COL5A1: variants seen among roughly 807,000 people sequenced by gnomAD.
The protein encoded by COL5A1 is collagen alpha-1(V) chain.
In COL5A1, 16 loss-of-function variants were observed where a neutral mutation model predicts 263.7. That is an observed-to-expected ratio of 0.06 (90% CI 0.04 to 0.09). COL5A1 has a LOEUF of 0.09. Ranked by LOEUF, COL5A1 falls within the 10% of genes least tolerant of loss-of-function variation. The pLI is 1.00. For synonymous variants in COL5A1, 1,012 were observed against 1,004.5 expected, an observed-to-expected ratio of 1.01 and a Z score of -0.14; for missense variants, 2,036 against 2,540.5, an observed-to-expected ratio of 0.80 and a Z score of 4.27.
intron 44 of COL5A1, 74 bp from the exon 45 acceptor site, chr9:134,811,265 G>A (rs1838511112): frequency 1.4e-6 from 2 of 1,395,380 alleles, no homozygotes; most frequent in Admixed American, 3.3e-5. Flanking sequence ...CCGGGCTCAG[G>A]ATGCGGTCCA....
chr9:134,643,585 C>T (rs1359677461), intron 1 of COL5A1, among the ~76,000 whole-genome samples: 4 of 152,116 alleles, frequency 2.6e-5, no homozygotes, highest in African/African-American at 9.7e-5. Context: ...GGGGGAGGAG[C>T]CAGGAGCCTG....
rs1457383650 is a variant in COL5A1, at chr9:134,757,554, A to C, written c.1882-689A>C. Among the ~76,000 whole-genome samples the C allele has an allele frequency of 6.6e-6, 1 of 152,174 alleles. No homozygotes were observed. Among genetic ancestry groups the C allele is most frequent in the Non-Finnish European group, 1.5e-5 (1 of 68,040 alleles). On this transcript the variant is annotated intron_variant, in intron 17 of 65. Coordinates refer to ENST00000371817, the MANE Select transcript of COL5A1 (RefSeq NM_000093.5). The surrounding 1 kb of genome is among the most constrained non-coding windows in gnomAD (Gnocchi z 6.2). ...CGGGCGTGGATGAGCTCTGAAGTGC[A>C]TCCCGTCAGTCCCAAGCTAGTGAGG...
chr9:134,669,932 G>T (rs1832490072), intron 1 of COL5A1, among the ~76,000 whole-genome samples: 1 of 152,220 alleles, frequency 6.6e-6, no homozygotes, highest in South Asian at 2.1e-4. Flanking sequence ...AAATAACTTT[G>T]TTAACTTTTC....
In COL5A1 at chr9:134,795,300, G is replaced by A. The variant is rs774491536; in HGVS notation, c.2784G>A (p.Gly928=). The change falls in exon 34 of 66, where the codon GGG becomes GGA. Residue 928 remains glycine, a synonymous_variant. Coordinates refer to ENST00000371817, the MANE Select transcript of COL5A1 (RefSeq NM_000093.5). ...RGERGPRGIT[G]KPGPKGNSGG... is the part of the protein sequence containing the mutation. ...AAAGAGGCCCCCGGGGCATCACTGG[G>A]AAGCCTGGCCCCAAGGTATGTTTTT... 9 of 1,613,710 alleles carry A rather than the reference G, an allele frequency of 5.6e-6. No homozygotes were observed. In the Admixed American group the frequency reaches 1.0e-4, roughly 18 times the overall value.
chr9:134,718,763 G>A (rs1242473068), intron 4 of COL5A1, among the ~76,000 whole-genome samples: 2 of 152,186 alleles, frequency 1.3e-5, no homozygotes, highest in Non-Finnish European at 2.9e-5. Flanking sequence ...AGGAGCCCCA[G>A]TCAGCCCTCC....
intron 32 of COL5A1, among the ~76,000 whole-genome samples, chr9:134,790,766 C>T (rs1319856394): frequency 6.6e-6 from 1 of 151,596 alleles, no homozygotes; most frequent in Non-Finnish European, 1.5e-5. Flanking sequence ...TTTGGGAATA[C>T]ACTGTCTTCT....
At chr9:134,834,737 TGGG>T in intron 64 of COL5A1, among the ~76,000 whole-genome samples, 1 of 150,704 alleles carries the variant, frequency 6.6e-6, no homozygotes, top group Non-Finnish European at 1.5e-5. Context: ...CCAAGAGAAG[TGGG>T]TGGATTATTT....
chr9:134,701,867 C>T (rs368038013), intron 4 of COL5A1, among the ~76,000 whole-genome samples: 16 of 152,260 alleles, frequency 1.1e-4, no homozygotes, highest in Non-Finnish European at 1.9e-4. Flanking sequence ...GCTTGGGAGT[C>T]GGGGCCTGAG....
intron 31 of COL5A1, among the ~76,000 whole-genome samples, chr9:134,787,251 A>C (rs1837493440): frequency 2.0e-5 from 3 of 152,226 alleles, no homozygotes; most frequent in Non-Finnish European, 4.4e-5. Flanking sequence ...GGAATGGTAC[A>C]TGTGTCCTGG....
chr9:134,653,918 T>A (rs1831784148), intron 1 of COL5A1, among the ~76,000 whole-genome samples: 1 of 144,126 alleles, frequency 6.9e-6, no homozygotes, highest in Non-Finnish European at 1.5e-5. Context: ...GGGCTGGGGG[T>A]GTGTAGGGCT....
chr9:134,709,220 G>A (rs1258848967), intron 4 of COL5A1: 5 of 345,976 alleles, frequency 1.4e-5, no homozygotes, highest in Middle Eastern at 1.0e-3. Flanking sequence ...CACAGAGCAC[G>A]TGTGCTTAAA....
At chr9:134,761,086 C>T (rs1308163715) in intron 18 of COL5A1, among the ~76,000 whole-genome samples, 1 of 147,086 alleles carries the variant, frequency 6.8e-6, no homozygotes, top group Non-Finnish European at 1.5e-5. Flanking sequence ...TGCACACGTG[C>T]ACACACCCCA....
Position 134,824,750 on chromosome 9 carries a change from T to A in COL5A1, c.4849T>A (p.Ser1617Thr), listed in dbSNP as rs771444479. ...GGAAGAGATCTTCGGCTCTCTCAAC[T>A]CTCTGAAGCTGGAGATTGAGCAGAT... ...GMEEIFGSLN[S>T]LKLEIEQMKR... Residue 1617 changes from serine to threonine, a missense_variant, in exon 62 of 66, where the codon TCT becomes ACT. Physicochemically the swap from Ser to Thr is moderately conservative, Grantham distance 58. Transcript: ENST00000371817. 9 of 1,614,098 alleles carry A rather than the reference T, an allele frequency of 5.6e-6. No individual in the cohort carries two copies. The highest frequency in any genetic ancestry group is 7.6e-6 in the Non-Finnish European group (9 of 1,180,002).
At chr9:134,671,966 C>T (rs1216046512) in intron 1 of COL5A1, among the ~76,000 whole-genome samples, 1 of 152,222 alleles carries the variant, frequency 6.6e-6, no homozygotes, top group Non-Finnish European at 1.5e-5. Context: ...ACCAAGGGCC[C>T]TGTGAGGACA....
intron 25 of COL5A1, among the ~76,000 whole-genome samples, chr9:134,768,989 G>C (rs762493918): frequency 5.9e-5 from 9 of 152,198 alleles, no homozygotes; most frequent in Non-Finnish European, 1.0e-4. Flanking sequence ...GGGGAGGTGT[G>C]AGGAAGTAGA....
At position 134,728,675 on chromosome 9, in the gene COL5A1, G is replaced by A. The variant is rs757360763; in HGVS notation, c.792G>A (p.Thr264=). The part of the protein sequence containing the change: ...SQDPNPDEYY[T]EGDGEGETYY... ...GGGCCGCAATTCGCTTTCAGTACAC[G>A]GAAGGAGACGGCGAGGGTGAGACCT... The change falls in exon 6 of 66, where the codon ACG becomes ACA. Residue 264 remains threonine, a synonymous_variant. Coordinates refer to ENST00000371817, the MANE Select transcript of COL5A1 (RefSeq NM_000093.5). The A allele has an allele frequency of 8.1e-6, 13 of 1,613,958 alleles. No homozygotes were observed. In the Admixed American group the frequency reaches 1.0e-4, roughly 12 times the overall value.
chr9:134,669,327 C>T (rs1832468483), intron 1 of COL5A1, among the ~76,000 whole-genome samples: 1 of 134,438 alleles, frequency 7.4e-6, no homozygotes, highest in African/African-American at 2.8e-5. Flanking sequence ...CTTCTCCTTC[C>T]TTCCTTCCTT....
chr9:134,811,531 C>T lies in COL5A1; in HGVS notation c.3622C>T (p.Leu1208Phe), dbSNP rs863223450. 1 of 1,600,574 alleles carries T rather than the reference C, an allele frequency of 6.2e-7. No individual in the cohort carries two copies. Among genetic ancestry groups the T allele is most frequent in the Non-Finnish European group, 8.5e-7 (1 of 1,173,224 alleles). The change falls in exon 46 of 66, where the codon CTT becomes TTT. Residue 1208 changes from leucine (L) to phenylalanine (F), a missense_variant. Leu to Phe is a conservative substitution (Grantham distance 22). Coordinates refer to ENST00000371817, the MANE Select transcript of COL5A1 (RefSeq NM_000093.5). ...GEPGPRGQQG[L>F]FGQKGDEGPR... ...GCCGGGGCCTCGGGGCCAGCAGGGC[C>T]TTTTCGGGCAGAAAGGTGATGAAGG...
At chr9:134,659,105 C>A (rs1188805403) in intron 1 of COL5A1, among the ~76,000 whole-genome samples, 1 of 152,128 alleles carries the variant, frequency 6.6e-6, no homozygotes, top group African/African-American at 2.4e-5. Context: ...TTTAAAATAG[C>A]CTTTGAGGCC....
Sources: allele counts gnomAD v4.1 joint callset (sites outside exome capture counted in the v4.1 genomes callset), GRCh38; gene constraint gnomAD v4.1.1; non-coding constraint Gnocchi (gnomAD v3.1); transcripts MANE v1.5; gene names NCBI Gene and HGNC (gene_info 2026-07-23, HGNC 2026-07-21).